NLGN1: variants seen among roughly 807,000 people sequenced by gnomAD.
NLGN1 encodes the protein neuroligin 1.
Under a neutral mutation model 65.5 loss-of-function variants are expected in NLGN1, and 12 were observed. The ratio of observed to expected loss-of-function variants is 0.18; its 90% CI spans 0.12 to 0.30. The LOEUF is 0.30. NLGN1 is among the 10% of genes least tolerant of loss of function. The pLI is 1.00. For missense variants in NLGN1, 750 were observed against 1,007.1 expected (o/e 0.74, Z 3.46); for synonymous variants, 350 against 359.5 (o/e 0.97, Z 0.30).
intron 3 of NLGN1, among the ~76,000 whole-genome samples, chr3:173,760,153 G>T (rs547858606): frequency 6.6e-6 from 1 of 151,812 alleles, no homozygotes; most frequent in Admixed American, 6.6e-5. Context: ...AAATTCTGTC[G>T]TCTTGCTCTG....
At chr3:174,276,436 A>AGAT (rs1259646440) in intron 5 of NLGN1, among the ~76,000 whole-genome samples, 5 of 151,880 alleles carry the variant, frequency 3.3e-5, no homozygotes, top group South Asian at 2.1e-4. Context: ...ATAGGAAGAC[A>AGAT]GATAATATAT....
intron 3 of NLGN1, among the ~76,000 whole-genome samples, chr3:173,784,213 A>G (rs1306473977): frequency 6.6e-6 from 1 of 152,212 alleles, no homozygotes; most frequent in Admixed American, 6.5e-5. Flanking sequence ...TTTAGATTAT[A>G]GAATAGATAT....
chr3:173,935,218 A>G (rs1744831547), intron 4 of NLGN1, among the ~76,000 whole-genome samples: 1 of 151,926 alleles, frequency 6.6e-6, no homozygotes, highest in Non-Finnish European at 1.5e-5. Context: ...AAAGCCTATC[A>G]CAATTTTGCC....
chr3:174,245,524 G>C (rs891295739), intron 4 of NLGN1, among the ~76,000 whole-genome samples: 2 of 151,822 alleles, frequency 1.3e-5, no homozygotes, highest in East Asian at 3.9e-4. Context: ...AAATATTCTT[G>C]GTTTGTTGGT....
chr3:173,729,135 A>T (rs1772355582), intron 3 of NLGN1, among the ~76,000 whole-genome samples: 1 of 152,088 alleles, frequency 6.6e-6, no homozygotes, highest in Non-Finnish European at 1.5e-5. Context: ...TACTGGTAGT[A>T]ATTTTTGAAA....
At chr3:173,573,183 C>T (rs1418231255) in intron 2 of NLGN1, among the ~76,000 whole-genome samples, 2 of 151,910 alleles carry the variant, frequency 1.3e-5, no homozygotes, top group Non-Finnish European at 2.9e-5. Flanking sequence ...GATGTAATCT[C>T]AGTTTAATCC....
chr3:174,257,488 CA>C (rs1746012926), intron 4 of NLGN1, among the ~76,000 whole-genome samples: 1 of 152,008 alleles, frequency 6.6e-6, no homozygotes, highest in East Asian at 1.9e-4. Context: ...TCGCAAATAG[CA>C]AAGACATGAA....
At chr3:173,879,718 C>T (rs565863019) in intron 4 of NLGN1, among the ~76,000 whole-genome samples, 1 of 151,762 alleles carries the variant, frequency 6.6e-6, no homozygotes, top group South Asian at 2.1e-4. Flanking sequence ...CAGTTATGTT[C>T]TTCCAAATGT....
intron 3 of NLGN1, among the ~76,000 whole-genome samples, chr3:173,796,533 A>T (rs575838071): frequency 2.0e-5 from 3 of 152,070 alleles, no homozygotes; most frequent in Non-Finnish European, 4.4e-5. Flanking sequence ...CCCATAGGAG[A>T]TATAAAGTAT....
intron 1 of NLGN1, among the ~76,000 whole-genome samples, chr3:173,422,924 A>AGC (rs1715376082): frequency 6.6e-6 from 1 of 152,222 alleles, no homozygotes. Context: ...ACACTGCTAT[A>AGC]AAGATACTAT....
chr3:173,776,546 A>T (rs1780324898), intron 3 of NLGN1, among the ~76,000 whole-genome samples: 1 of 152,026 alleles, frequency 6.6e-6, no homozygotes. Context: ...TGATTACTTC[A>T]GGAATATGTG....
intron 3 of NLGN1, among the ~76,000 whole-genome samples, chr3:173,727,346 A>G (rs1771969282): frequency 6.6e-6 from 1 of 152,180 alleles, no homozygotes; most frequent in African/African-American, 2.4e-5. Context: ...TTGGAGACCA[A>G]TATCTAGTTT....
chr3:173,806,891 G>A (rs1415282461), intron 3 of NLGN1, among the ~76,000 whole-genome samples: 4 of 152,098 alleles, frequency 2.6e-5, no homozygotes, highest in Non-Finnish European at 4.4e-5. Context: ...CCCATCCCAT[G>A]TCTACATGAT....
rs1727364003 is a variant in NLGN1 at position 173,853,448 on chromosome 3, T to A, written c.646+45616T>A. Among the ~76,000 whole-genome samples the A allele has an allele frequency of 2.0e-5, 3 of 152,280 alleles. No homozygotes were observed. The South Asian group carries it at 6.2e-4, about 32-fold the overall frequency. On this transcript the variant is annotated intron_variant, in intron 4 of 6. Coordinates refer to ENST00000457714, the Ensembl canonical transcript of NLGN1. ...TGTCTTTCTCCGAAATTGAGTCATC[T>A]TTTCAGATGAAGAACTTATGAATTT...
chr3:174,088,826 T>G (rs569619835), intron 4 of NLGN1, among the ~76,000 whole-genome samples: 1 of 151,686 alleles, frequency 6.6e-6, no homozygotes, highest in South Asian at 2.1e-4. Context: ...TATTTTTTAC[T>G]TCTTAAAAAT....
intron 4 of NLGN1, among the ~76,000 whole-genome samples, chr3:173,905,033 C>T (rs542398323): frequency 1.3e-5 from 2 of 152,238 alleles, no homozygotes; most frequent in Middle Eastern, 3.4e-3. Flanking sequence ...TTTCTAGTTT[C>T]ATGGGTTTTA....
At chr3:173,445,129 G>A (rs184820786) in intron 2 of NLGN1, among the ~76,000 whole-genome samples, 22,656 of 150,646 alleles carry the variant, frequency 0.15, 1,789 homozygotes, top group South Asian at 0.23. Flanking sequence ...TTAGCCGGGC[G>A]TAGTGGCGGG....
At chr3:173,406,571 AATTCATATATATGT>A (rs1485109525) in intron 1 of NLGN1, among the ~76,000 whole-genome samples, 46 of 148,852 alleles carry the variant, frequency 3.1e-4, no homozygotes, top group African/African-American at 1.1e-3. Flanking sequence ...ATATATATTG[AATTCATATATATGT>A]ATTCATATAT....
intron 4 of NLGN1, among the ~76,000 whole-genome samples, chr3:174,070,563 C>A: frequency 6.6e-6 from 1 of 152,042 alleles, no homozygotes; most frequent in East Asian, 1.9e-4. Context: ...AACTCCTGAC[C>A]TTGTGATCTG....
Sources: allele counts gnomAD v4.1 joint callset (sites outside exome capture counted in the v4.1 genomes callset), GRCh38; gene constraint gnomAD v4.1.1; transcripts MANE v1.5; gene names NCBI Gene and HGNC (gene_info 2026-07-23, HGNC 2026-07-21).